PRKD1: variants seen among roughly 807,000 people sequenced by gnomAD.
PRKD1 encodes serine/threonine-protein kinase D1.
PRKD1 carries 63 observed loss-of-function variants against 95.9 expected under a neutral mutation model. The ratio of observed to expected loss-of-function variants is 0.66; its 90% CI spans 0.54 to 0.81. The LOEUF (loss-of-function observed/expected upper bound fraction) is 0.81, where lower values mean the gene tolerates loss of function less well. Ranked by LOEUF, PRKD1 falls within the 30% of genes least tolerant of loss-of-function variation. The pLI is 0.00. For synonymous variants in PRKD1, 425 were observed against 423.1 expected (o/e 1.00, Z -0.05); for missense variants, 1,048 against 1,165.3 (o/e 0.90, Z 1.47).
intron 1 of PRKD1, among the ~76,000 whole-genome samples, chr14:29,888,962 C>T (rs1328249085): frequency 1.3e-5 from 2 of 152,138 alleles, no homozygotes; most frequent in East Asian, 1.9e-4. Flanking sequence ...TACAGTCACC[C>T]GAACCTTTCA....
chr14:29,635,695 A>G (rs1221976311), intron 7 of PRKD1, among the ~76,000 whole-genome samples: 1 of 152,228 alleles, frequency 6.6e-6, no homozygotes. Context: ...AGCCACAGAC[A>G]ATATGAATGG....
At chr14:29,680,892 C>A (rs1021284561) in intron 2 of PRKD1, among the ~76,000 whole-genome samples, 1 of 152,028 alleles carries the variant, frequency 6.6e-6, no homozygotes, top group African/African-American at 2.4e-5. Context: ...TGTGAAAACA[C>A]GCGGAGGAGG....
chr14:29,859,882 TACTC>T (rs764387886), intron 1 of PRKD1, among the ~76,000 whole-genome samples: 5 of 152,060 alleles, frequency 3.3e-5, no homozygotes, highest in East Asian at 1.9e-4. Flanking sequence ...AATTATAACA[TACTC>T]AGTCTAAGAT....
rs374847130 is a variant in PRKD1 at position 29,599,713 on chromosome 14, G to A, written c.2010C>T (p.Ile670=). The A allele has an allele frequency of 6.2e-7, 1 of 1,613,272 alleles. No homozygotes were observed. The highest frequency in any genetic ancestry group is 8.5e-7 in the Non-Finnish European group (1 of 1,179,740). ...EKLHGDMLEM[I]LSSEKGRLPE... ...GCAACCTGCCCTTTTCACTTGACAAGATCATTTCCAGCATGTCTCCATGGA... is the reference window on the plus strand; with the variant it reads ...GCAACCTGCCCTTTTCACTTGACAAAATCATTTCCAGCATGTCTCCATGGA... Residue 670 remains isoleucine, a synonymous_variant, in exon 14 of 18, where the codon ATC becomes ATT. Coordinates refer to ENST00000331968, the MANE Select transcript of PRKD1 (RefSeq NM_002742.3).
At chr14:29,829,853 A>C (rs2139292266) in intron 1 of PRKD1, among the ~76,000 whole-genome samples, 1 of 152,330 alleles carries the variant, frequency 6.6e-6, no homozygotes, top group Non-Finnish European at 1.5e-5. Context: ...CATATCAGGG[A>C]AAATAAACAA....
At chr14:29,725,793 A>C (rs2139395278) in intron 1 of PRKD1, 119 bp from the exon 2 acceptor site, 1 of 920,128 alleles carries the variant, frequency 1.1e-6, no homozygotes, top group South Asian at 2.6e-5. Context: ...TAGATCATTA[A>C]AATATTTTAA....
chr14:29,718,720 C>A (rs1191659155), intron 2 of PRKD1, among the ~76,000 whole-genome samples: 1 of 152,090 alleles, frequency 6.6e-6, no homozygotes, highest in African/African-American at 2.4e-5. Flanking sequence ...ACTTAGATGT[C>A]CAAGTACAAA....
chr14:29,659,846 G>C (rs1187375943), intron 4 of PRKD1, among the ~76,000 whole-genome samples: 1 of 152,066 alleles, frequency 6.6e-6, no homozygotes, highest in Non-Finnish European at 1.5e-5. Flanking sequence ...CTCTGAATAT[G>C]AGTTTTTATA....
intron 1 of PRKD1, among the ~76,000 whole-genome samples, chr14:29,868,921 T>A (rs1385603954): frequency 6.6e-6 from 1 of 152,060 alleles, no homozygotes; most frequent in East Asian, 1.9e-4. Flanking sequence ...ATAATTTATA[T>A]CTCTAGTAAA....
intron 4 of PRKD1, among the ~76,000 whole-genome samples, chr14:29,648,884 G>A (rs1056766962): frequency 6.6e-6 from 1 of 152,094 alleles, no homozygotes; most frequent in African/African-American, 2.4e-5. Context: ...TCGATTTCCT[G>A]ACCTCGTGAT....
chr14:29,577,164 C>A lies in PRKD1; in HGVS notation c.*74G>T. 1 of 1,463,196 alleles carries A rather than the reference C, an allele frequency of 6.8e-7. No individual in the cohort carries two copies. Among genetic ancestry groups the A allele is most frequent in the East Asian group, 2.3e-5 (1 of 43,750 alleles). 90.6% of individuals were successfully genotyped at this position (1,463,196 alleles called of 1,614,324 possible). On this transcript the variant is annotated 3_prime_UTR_variant, in exon 18 of 18. Coordinates refer to ENST00000331968, the MANE Select transcript of PRKD1 (RefSeq NM_002742.3). Reference sequence around the variant, plus strand: ...CTGACAGAAAATAATGGCAGTTCTGCAAGGCAAATGTTAAACCTGACCGTA... The same window carrying A: ...CTGACAGAAAATAATGGCAGTTCTGAAAGGCAAATGTTAAACCTGACCGTA...
intron 1 of PRKD1, among the ~76,000 whole-genome samples, chr14:29,894,007 C>T (rs1894031357): frequency 6.6e-6 from 1 of 152,186 alleles, no homozygotes; most frequent in South Asian, 2.1e-4. Context: ...ACTATGCAAA[C>T]ATGTTGCATG....
chr14:29,686,207 A>T (rs1426490772), intron 2 of PRKD1, among the ~76,000 whole-genome samples: 1 of 152,142 alleles, frequency 6.6e-6, no homozygotes. Context: ...TCTTCCTTGT[A>T]TAAATGGAGA....
intron 6 of PRKD1, chr14:29,638,270 T>G (rs1476059815): frequency 1.3e-5 from 7 of 536,970 alleles, no homozygotes. Flanking sequence ...CAATACTAGC[T>G]GCTCACCATG....
intron 1 of PRKD1, among the ~76,000 whole-genome samples, chr14:29,838,054 C>T (rs1891679323): frequency 6.6e-6 from 1 of 152,130 alleles, no homozygotes; most frequent in African/African-American, 2.4e-5. Flanking sequence ...CACAAAACTC[C>T]CCCTGTTTGC....
At chr14:29,750,084 T>C (rs561982089) in intron 1 of PRKD1, among the ~76,000 whole-genome samples, 130 of 152,270 alleles carry the variant, frequency 8.5e-4, no homozygotes, top group Non-Finnish European at 1.7e-3. Flanking sequence ...ATTTGAGGAC[T>C]CTCACTCCCT....
intron 4 of PRKD1, chr14:29,656,542 A>C (rs1180132956): frequency 6.6e-7 from 1 of 1,524,410 alleles, no homozygotes; most frequent in Non-Finnish European, 8.8e-7. Flanking sequence ...GCAAAGGTGC[A>C]GAATCAAAGG....
intron 1 of PRKD1, among the ~76,000 whole-genome samples, chr14:29,787,527 T>C (rs562299478): frequency 5.0e-4 from 76 of 152,250 alleles, no homozygotes; most frequent in African/African-American, 1.7e-3. Flanking sequence ...AGTGCATTTA[T>C]ATTTACAACT....
At chr14:29,846,655 T>C (rs1892090173) in intron 1 of PRKD1, among the ~76,000 whole-genome samples, 1 of 152,154 alleles carries the variant, frequency 6.6e-6, no homozygotes, top group Non-Finnish European at 1.5e-5. Flanking sequence ...AGCAGGAACA[T>C]GATGGGCTCA....
Sources: gnomAD v4.1 joint callset for allele counts (sites outside exome capture counted in the v4.1 genomes callset) on GRCh38, gnomAD v4.1.1 for gene constraint, MANE v1.5 for transcripts, NCBI Gene and HGNC (gene_info 2026-07-23, HGNC 2026-07-21) for gene names.